The following RAB7B variants were observed in gnomAD, a reference collection of about 807,000 sequenced individuals.
The protein encoded by RAB7B is ras-related protein Rab-7b.
chr1:205,979,130 A>G (rs1272307922), intron 5 of RAB7B, among the ~76,000 whole-genome samples: 1 of 151,958 alleles, frequency 6.6e-6, no homozygotes, highest in Non-Finnish European at 1.5e-5. Flanking sequence ...TCTTCCCAGG[A>G]GCCCAGAGCA....
intron 4 of RAB7B, 144 bp from the exon 5 acceptor site, chr1:205,985,809 G>GCCCACCAGGCCCACCATCCCCACCAAC (rs1660592855): frequency 7.6e-6 from 1 of 131,030 alleles, no homozygotes; most frequent in Non-Finnish European, 1.4e-5. Flanking sequence ...TCCCCACCAG[G>GCCCACCAGGCCCACCATCCCCACCAAC]CCCACCAGGC....
intron 5 of RAB7B, 47 bp downstream of exon 5, chr1:205,985,493 C>T (rs1050187690): frequency 1.3e-5 from 5 of 398,538 alleles, no homozygotes; most frequent in African/African-American, 1.0e-4. Flanking sequence ...GAGACCCTCC[C>T]CAATCCAGGG....
intron 4 of RAB7B, among the ~76,000 whole-genome samples, chr1:205,990,026 G>T (rs1264143537): frequency 6.6e-6 from 1 of 152,102 alleles, no homozygotes; most frequent in Non-Finnish European, 1.5e-5. Flanking sequence ...AACTCCCCCA[G>T]CTTCCCTCCC....
intron 1 of RAB7B, among the ~76,000 whole-genome samples, chr1:206,002,160 T>C (rs903331380): frequency 6.6e-6 from 1 of 152,322 alleles, no homozygotes; most frequent in South Asian, 2.1e-4. Context: ...AAAATTTGTC[T>C]GTGAAAAGAG....
chr1:205,989,489 C>T (rs996742556), intron 4 of RAB7B, among the ~76,000 whole-genome samples: 11 of 152,080 alleles, frequency 7.2e-5, no homozygotes, highest in Non-Finnish European at 1.0e-4. Context: ...CCCCTCTATA[C>T]GCAGCCGCCA....
At chr1:205,993,351 G>A (rs913120438) in intron 3 of RAB7B, 69 bp downstream of exon 3, 21 of 397,320 alleles carry the variant, frequency 5.3e-5, no homozygotes, top group Middle Eastern at 1.2e-3. Context: ...TGCTACATGA[G>A]TGGCTGTCCG....
At chr1:205,983,060 C>A (rs1660524022) in intron 5 of RAB7B, among the ~76,000 whole-genome samples, 1 of 152,212 alleles carries the variant, frequency 6.6e-6, no homozygotes, top group Non-Finnish European at 1.5e-5. Flanking sequence ...AGCCTAGCAG[C>A]ACCATCTGGA....
Position 205,993,477 on chromosome 1 carries a change from C to T in RAB7B, c.123G>A (p.Leu41=), listed in dbSNP as rs1660759384. The T allele has an allele frequency of 2.5e-6, 1 of 398,638 alleles. No individual in the cohort carries two copies. The highest frequency in any genetic ancestry group is 3.6e-5 in the East Asian group (1 of 28,082). The allele number at this position is 398,638 out of a possible 1,614,324, so 24.7% of individuals were successfully genotyped here. The change falls in exon 3 of 6, where the codon CTG becomes CTA. Residue 41 remains leucine (L), a synonymous_variant. Coordinates refer to ENST00000617070, the MANE Select transcript of RAB7B (RefSeq NM_001164522.3). Reference sequence around the variant, plus strand: ...TAATCTTGGAGAGGATGCTGGCCCCCAGTGTGGTCTGGTATTCCTCATAAA... The same window carrying T: ...TAATCTTGGAGAGGATGCTGGCCCCTAGTGTGGTCTGGTATTCCTCATAAA... ...KTFYEEYQTT[L]GASILSKIII...
intron 4 of RAB7B, among the ~76,000 whole-genome samples, chr1:205,991,566 G>A (rs1050165154): frequency 6.6e-5 from 10 of 152,158 alleles, no homozygotes; most frequent in Non-Finnish European, 2.9e-5. Flanking sequence ...GCTCTCTTCT[G>A]TAGATGTTAG....
intron 4 of RAB7B, among the ~76,000 whole-genome samples, chr1:205,987,930 G>C (rs1660642094): frequency 1.3e-5 from 2 of 151,934 alleles, no homozygotes; most frequent in African/African-American, 4.8e-5. Context: ...TTTTTGGAGA[G>C]ATGGGGGTCT....
intron 1 of RAB7B, among the ~76,000 whole-genome samples, chr1:205,996,871 C>T (rs1337295067): frequency 1.3e-5 from 2 of 152,144 alleles, no homozygotes; most frequent in African/African-American, 4.8e-5. Context: ...ATAAAACCAT[C>T]AGATCTTCTG....
chr1:205,981,475 C>T (rs910422087), intron 5 of RAB7B, among the ~76,000 whole-genome samples: 5 of 152,130 alleles, frequency 3.3e-5, no homozygotes, highest in African/African-American at 1.2e-4. Flanking sequence ...ATTTCTTTCA[C>T]AATGTTAACT....
At chr1:205,997,169 C>A (rs1319528561) in intron 1 of RAB7B, among the ~76,000 whole-genome samples, 1 of 152,166 alleles carries the variant, frequency 6.6e-6, no homozygotes, top group Admixed American at 6.5e-5. Flanking sequence ...ATGGTTCACA[C>A]GTTCATGCAG....
At chr1:205,987,433 A>G (rs969867320) in intron 4 of RAB7B, among the ~76,000 whole-genome samples, 79 of 152,316 alleles carry the variant, frequency 5.2e-4, no homozygotes, top group African/African-American at 1.9e-3. Flanking sequence ...TTACTTGTTC[A>G]TTGGAGGCCA....
chr1:206,000,194 T>C (rs1660869670), intron 1 of RAB7B, among the ~76,000 whole-genome samples: 1 of 152,224 alleles, frequency 6.6e-6, no homozygotes, highest in Non-Finnish European at 1.5e-5. Flanking sequence ...AGGGGAGATA[T>C]ACACTAAATG....
intron 1 of RAB7B, among the ~76,000 whole-genome samples, chr1:205,994,989 C>A (rs1331400354): frequency 6.6e-6 from 1 of 152,062 alleles, no homozygotes; most frequent in Non-Finnish European, 1.5e-5. Flanking sequence ...ATGGTACATT[C>A]TCAGCAAACT....
At chr1:205,980,710 C>T (rs1202991068) in intron 5 of RAB7B, among the ~76,000 whole-genome samples, 1 of 152,198 alleles carries the variant, frequency 6.6e-6, no homozygotes, top group Non-Finnish European at 1.5e-5. Context: ...CTGTCTTTTT[C>T]CAATTAACCC....
intron 4 of RAB7B, among the ~76,000 whole-genome samples, chr1:205,987,654 C>T (rs1487372098): frequency 6.6e-6 from 1 of 152,102 alleles, no homozygotes; most frequent in Non-Finnish European, 1.5e-5. Flanking sequence ...CAGAAATTAC[C>T]CACCTGAGCA....
At chr1:205,983,738 C>T (rs1385173320) in intron 5 of RAB7B, 1 of 151,764 alleles carries the variant, frequency 6.6e-6, no homozygotes, top group Non-Finnish European at 1.5e-5. Flanking sequence ...CATGGGGGAC[C>T]GACATGGATT....
Sources: allele counts gnomAD v4.1 joint callset (sites outside exome capture counted in the v4.1 genomes callset), GRCh38; gene constraint gnomAD v4.1.1; transcripts MANE v1.5; gene names NCBI Gene and HGNC (gene_info 2026-07-23, HGNC 2026-07-21).